ARB2A: variants seen among roughly 807,000 people sequenced by gnomAD.
ARB2A encodes the protein ARB2 cotranscriptional regulator A.
chr5:93,875,852 T>C, the ARB2A span, among the ~76,000 whole-genome samples: 40 of 151,114 alleles, frequency 2.6e-4, 1 homozygote, highest in African/African-American at 9.0e-4. Context: ...CACAAGTTTC[T>C]AAGGGAAGCA....
the ARB2A span, among the ~76,000 whole-genome samples, chr5:94,096,610 T>G: frequency 6.6e-6 from 1 of 152,134 alleles, no homozygotes; most frequent in Non-Finnish European, 1.5e-5. Context: ...CTTTAACTTC[T>G]AAGCAAAGCA....
At chr5:93,867,413 C>T in the ARB2A span, among the ~76,000 whole-genome samples, 27 of 152,066 alleles carry the variant, frequency 1.8e-4, 1 homozygote, top group East Asian at 2.9e-3. Flanking sequence ...TAGGAAGTTA[C>T]GTTTTATCTT....
the ARB2A span, among the ~76,000 whole-genome samples, chr5:94,107,439 G>T: frequency 6.7e-6 from 1 of 149,994 alleles, no homozygotes. Context: ...CAAAGTAATT[G>T]ATTTAAATGA....
chr5:93,645,992 C>T, the ARB2A span, among the ~76,000 whole-genome samples: 2 of 152,088 alleles, frequency 1.3e-5, no homozygotes, highest in African/African-American at 4.8e-5. Context: ...TTTTCCTACA[C>T]CACACAGTTC....
chr5:93,779,105 G>A, the ARB2A span, among the ~76,000 whole-genome samples: 25 of 147,922 alleles, frequency 1.7e-4, no homozygotes, highest in South Asian at 3.8e-3. Context: ...GTGTGTGTGT[G>A]TGTGTGTGTG....
chr5:93,921,093 T>C, the ARB2A span, among the ~76,000 whole-genome samples: 1 of 150,944 alleles, frequency 6.6e-6, no homozygotes, highest in African/African-American at 2.4e-5. Context: ...ATACCATACA[T>C]TGAGGGCTGC....
the ARB2A span, among the ~76,000 whole-genome samples, chr5:93,871,458 G>T: frequency 6.6e-6 from 1 of 152,094 alleles, no homozygotes; most frequent in Non-Finnish European, 1.5e-5. Flanking sequence ...TTTAGTGTGG[G>T]TATAGCATCA....
chr5:93,776,415 A>T, the ARB2A span, among the ~76,000 whole-genome samples: 1 of 152,194 alleles, frequency 6.6e-6, no homozygotes, highest in Non-Finnish European at 1.5e-5. Flanking sequence ...CATAATTAAC[A>T]TGACTCTGAA....
At chr5:93,650,909 T>C in the ARB2A span, among the ~76,000 whole-genome samples, 1 of 152,048 alleles carries the variant, frequency 6.6e-6, no homozygotes, top group Non-Finnish European at 1.5e-5. Context: ...GGAGGATTGC[T>C]TGAACCCAGG....
the ARB2A span, among the ~76,000 whole-genome samples, chr5:93,666,504 T>C: frequency 7.7e-6 from 1 of 130,476 alleles, no homozygotes; most frequent in African/African-American, 2.9e-5. Context: ...TGCTATATCC[T>C]TTTTTTTTTT....
At chr5:93,859,607 A>G in the ARB2A span, among the ~76,000 whole-genome samples, 1 of 152,222 alleles carries the variant, frequency 6.6e-6, no homozygotes, top group Non-Finnish European at 1.5e-5. Flanking sequence ...TAACACCTAC[A>G]AGTCAGTAAA....
chr5:93,660,876 G>A, the ARB2A span, among the ~76,000 whole-genome samples: 1 of 152,214 alleles, frequency 6.6e-6, no homozygotes, highest in African/African-American at 2.4e-5. Flanking sequence ...CCTTGATGCT[G>A]GAAAGAGATT....
chr5:94,050,781 G>A, the ARB2A span: 11 of 1,612,668 alleles, frequency 6.8e-6, no homozygotes, highest in East Asian at 2.2e-5. Flanking sequence ...AAATCTTCCC[G>A]GTAGTTAAAA....
At chr5:93,977,928 CAAAT>C in the ARB2A span, among the ~76,000 whole-genome samples, 3 of 151,966 alleles carry the variant, frequency 2.0e-5, no homozygotes, top group Non-Finnish European at 4.4e-5. Flanking sequence ...AACCAAAAAA[CAAAT>C]AACCTCATCA....
At chr5:94,082,876 T>C in the ARB2A span, among the ~76,000 whole-genome samples, 1 of 152,176 alleles carries the variant, frequency 6.6e-6, no homozygotes, top group African/African-American at 2.4e-5. Flanking sequence ...AAAAGAGAAT[T>C]AGAAATTTGA....
the ARB2A span, among the ~76,000 whole-genome samples, chr5:94,041,578 C>T: frequency 6.6e-6 from 1 of 151,804 alleles, no homozygotes; most frequent in Non-Finnish European, 1.5e-5. Context: ...AAGTGTAATG[C>T]CTTTTATTTA....
chr5:93,940,669 CTT>C, the ARB2A span, among the ~76,000 whole-genome samples: 9 of 151,962 alleles, frequency 5.9e-5, no homozygotes, highest in Non-Finnish European at 1.2e-4. Context: ...ATTATTTACT[CTT>C]AAGTTCACAT....
the ARB2A span, among the ~76,000 whole-genome samples, chr5:93,732,289 T>C: frequency 3.3e-5 from 5 of 152,216 alleles, no homozygotes; most frequent in African/African-American, 7.2e-5. Flanking sequence ...TAGAAATCCA[T>C]AGAGCTCATT....
chr5:93,855,831 A>T, the ARB2A span, among the ~76,000 whole-genome samples: 6 of 152,266 alleles, frequency 3.9e-5, no homozygotes, highest in East Asian at 1.2e-3. Context: ...CCATCATCAA[A>T]GACCAAAAGT....
Sources: allele counts gnomAD v4.1 joint callset (sites outside exome capture counted in the v4.1 genomes callset), GRCh38; gene constraint gnomAD v4.1.1; transcripts MANE v1.5; gene names NCBI Gene and HGNC (gene_info 2026-07-23, HGNC 2026-07-21).